The following MAST4 variants were observed in gnomAD, a reference collection of about 807,000 sequenced individuals.
MAST4 encodes microtubule associated serine/threonine kinase family member 4, also known as microtubule-associated serine/threonine-protein kinase 4.
A neutral mutation model predicts 162.7 loss-of-function variants in MAST4; 89 were observed. That is an observed-to-expected ratio of 0.55 (90% CI 0.46 to 0.65). The LOEUF (loss-of-function observed/expected upper bound fraction) is 0.65. Among genes scored for constraint, MAST4 ranks in the 30% least tolerant of loss-of-function variants. MAST4 has a pLI of 0.00. For missense variants in MAST4, 3,153 were observed against 3,374.0 expected, an observed-to-expected ratio of 0.93 and a Z score of 1.62; for synonymous variants, 1,479 against 1,361.1, an observed-to-expected ratio of 1.09 and a Z score of -1.91.
chr5:66,671,586 T>TG (rs59804088), intron 1 of MAST4, among the ~76,000 whole-genome samples: 28,988 of 151,966 alleles, frequency 0.19, 3,113 homozygotes, highest in South Asian at 0.31. Flanking sequence ...GTAGCCAGTC[T>TG]ACAAAGTCTG....
At chr5:66,989,056 G>A (rs1328695553) in intron 4 of MAST4, among the ~76,000 whole-genome samples, 1 of 152,116 alleles carries the variant, frequency 6.6e-6, no homozygotes, top group Non-Finnish European at 1.5e-5. Flanking sequence ...TGTGTGTGAG[G>A]ATTACTGAGA....
At position 66,624,145 on chromosome 5, in the gene MAST4, TG is replaced by T. The variant is rs1352551501; in HGVS notation, c.363+27128del. ...ATTGGAAGAATTAATATTGTTAAAA[TG>T]TTTTTTTTTTTTTTTTTTTTTTTGA... On this transcript the variant is annotated intron_variant, in intron 1 of 28. Transcript: ENST00000403625. 1.5e-3 allele frequency among the ~76,000 whole-genome samples: 165 copies of T among 107,806 alleles called. 1 individual carries two copies. The highest frequency in any genetic ancestry group is 6.2e-4 in the South Asian group (2 of 3,206). The allele number at this position is 107,806 out of a possible 152,430, so 70.7% of individuals were successfully genotyped here.
chr5:66,860,869 G>A (rs1001058139), intron 3 of MAST4, among the ~76,000 whole-genome samples: 2 of 152,078 alleles, frequency 1.3e-5, no homozygotes, highest in African/African-American at 4.8e-5. Flanking sequence ...GACAATCAGA[G>A]TGGAAGTATG....
chr5:66,735,925 C>A (rs1224217376), intron 1 of MAST4, among the ~76,000 whole-genome samples: 3 of 152,106 alleles, frequency 2.0e-5, no homozygotes, highest in African/African-American at 7.2e-5. Flanking sequence ...CTATGAAGAC[C>A]TTTATTGTTT....
At chr5:66,754,559 T>C (rs1172050086) in intron 1 of MAST4, among the ~76,000 whole-genome samples, 2 of 152,234 alleles carry the variant, frequency 1.3e-5, no homozygotes, top group East Asian at 1.9e-4. Flanking sequence ...TTTCCTGTTA[T>C]ATTTTAAAGT....
intron 4 of MAST4, among the ~76,000 whole-genome samples, chr5:67,045,851 A>G (rs1173503552): frequency 1.3e-5 from 2 of 152,214 alleles, no homozygotes; most frequent in African/African-American, 4.8e-5. Flanking sequence ...TATTTCTGTC[A>G]TAAATTCCAG....
chr5:66,648,765 G>A (rs1385148938), intron 1 of MAST4, among the ~76,000 whole-genome samples: 3 of 152,112 alleles, frequency 2.0e-5, no homozygotes, highest in East Asian at 1.9e-4. Flanking sequence ...TTTAGTATGC[G>A]TGATTTACCA....
At chr5:66,880,882 T>C (rs1761647689) in intron 3 of MAST4, among the ~76,000 whole-genome samples, 1 of 152,224 alleles carries the variant, frequency 6.6e-6, no homozygotes, top group South Asian at 2.1e-4. Context: ...CCAGGCACTG[T>C]GCTAAGTGCT....
chr5:66,917,594 C>CTTTTTTTTT, intron 4 of MAST4, among the ~76,000 whole-genome samples: 1 of 127,824 alleles, frequency 7.8e-6, no homozygotes, highest in South Asian at 2.3e-4. Context: ...GATTCTCTTT[C>CTTTTTTTTT]TTTTTTTTTT....
At chr5:66,820,811 G>A (rs959231756) in intron 3 of MAST4, among the ~76,000 whole-genome samples, 9 of 152,090 alleles carry the variant, frequency 5.9e-5, no homozygotes, top group Admixed American at 5.9e-4. Flanking sequence ...CTCCTAGGAT[G>A]TAATTTTTTC....
intron 1 of MAST4, among the ~76,000 whole-genome samples, chr5:66,727,580 T>C (rs1751599762): frequency 6.6e-6 from 1 of 152,152 alleles, no homozygotes; most frequent in Non-Finnish European, 1.5e-5. Context: ...TGAGGCAAAA[T>C]TGTGCTGAGC....
intron 4 of MAST4, among the ~76,000 whole-genome samples, chr5:67,026,626 T>C (rs959569646): frequency 2.0e-5 from 3 of 149,998 alleles, no homozygotes; most frequent in East Asian, 1.9e-4. Context: ...GTTGTTGTTA[T>C]GGATCAATAC....
intron 4 of MAST4, among the ~76,000 whole-genome samples, chr5:66,955,753 AGTTTTATCAGATATCCAAACCAT>A: frequency 6.6e-6 from 1 of 152,296 alleles, no homozygotes; most frequent in East Asian, 1.9e-4. Context: ...ATGATTGGCT[AGTTTTATCAGATATCCAAACCAT>A]GTGTGTATAT....
chr5:67,051,327 A>G (rs1292577437), intron 4 of MAST4, among the ~76,000 whole-genome samples: 1 of 152,056 alleles, frequency 6.6e-6, no homozygotes, highest in Non-Finnish European at 1.5e-5. Context: ...ACCTGGAGAG[A>G]CTGCCTGACG....
chr5:66,959,545 C>G (rs1268318747), intron 4 of MAST4, among the ~76,000 whole-genome samples: 1 of 152,216 alleles, frequency 6.6e-6, no homozygotes, highest in African/African-American at 2.4e-5. Context: ...CTGGAAACAT[C>G]TTAACAGCTC....
intron 1 of MAST4, among the ~76,000 whole-genome samples, chr5:66,617,866 G>A (rs574768115): frequency 4.6e-5 from 7 of 152,306 alleles, no homozygotes; most frequent in Non-Finnish European, 8.8e-5. Flanking sequence ...TGCTCAGGAA[G>A]GCCAGGAATG....
intron 1 of MAST4, among the ~76,000 whole-genome samples, chr5:66,639,966 AT>A (rs1745378916): frequency 6.6e-6 from 1 of 152,172 alleles, no homozygotes; most frequent in Non-Finnish European, 1.5e-5. Context: ...TCTAAACACT[AT>A]TCTCAACAAA....
Position 67,163,774 on chromosome 5 carries a change from T to C in MAST4, c.4595T>C (p.Leu1532Pro), listed in dbSNP as rs1286623308. The change falls in exon 29 of 29, where the codon CTG (leucine) becomes CCG (proline). Residue 1532 changes from leucine (L) to proline (P), a missense_variant. Physicochemically the swap from Leu to Pro is moderately conservative, Grantham distance 98. This residue lies in a region of MAST4 where 1,644 missense variants were observed against 1,495.0 expected (regional missense o/e 1.10). Coordinates refer to ENST00000403625, the MANE Select transcript of MAST4 (RefSeq NM_001164664.2). The surrounding 1 kb of genome is among the most constrained non-coding windows in gnomAD (Gnocchi z 7.0). Reference sequence around the variant, plus strand: ...GTGGACGACCTGGACCGCGACAAGCTGAAGGCCAAGGTGGTGGTGAAGAAA... The same window carrying C: ...GTGGACGACCTGGACCGCGACAAGCCGAAGGCCAAGGTGGTGGTGAAGAAA... The part of the protein sequence containing the change: ...ESVDDLDRDK[L>P]KAKVVVKKAD... 2 of 1,610,932 alleles carry C rather than the reference T, an allele frequency of 1.2e-6. No homozygotes were observed. The highest frequency in any genetic ancestry group is 1.3e-5 in the African/African-American group (1 of 74,860).
chr5:66,895,395 C>T (rs772178815), intron 3 of MAST4, among the ~76,000 whole-genome samples: 10 of 152,128 alleles, frequency 6.6e-5, no homozygotes, highest in Non-Finnish European at 1.3e-4. Context: ...TTAATGACTC[C>T]AAAATCTACT....
Sources: allele counts gnomAD v4.1 joint callset (sites outside exome capture counted in the v4.1 genomes callset), GRCh38; gene constraint gnomAD v4.1.1; regional missense constraint gnomAD v4.1.1; non-coding constraint Gnocchi (gnomAD v3.1); transcripts MANE v1.5; gene names NCBI Gene and HGNC (gene_info 2026-07-23, HGNC 2026-07-21).